Variants in NRXN3 observed in about 807,000 individuals in gnomAD.
NRXN3 encodes the protein neurexin III.
A neutral mutation model predicts 137.6 loss-of-function variants in NRXN3; 32 were observed. The observed-to-expected ratio is 0.23, with a 90% CI of 0.18 to 0.31. The LOEUF (loss-of-function observed/expected upper bound fraction) is 0.31. NRXN3 is among the 10% of genes least tolerant of loss of function. The pLI, the probability that NRXN3 is intolerant of heterozygous loss-of-function variation, is 1.00. For missense variants in NRXN3, 1,574 were observed against 2,062.5 expected (o/e 0.76, Z 4.59); for synonymous variants, 798 against 784.5 (o/e 1.02, Z -0.29).
chr14:79,582,928 T>C (rs2097730405), intron 16 of NRXN3, among the ~76,000 whole-genome samples: 1 of 152,212 alleles, frequency 6.6e-6, no homozygotes, highest in Non-Finnish European at 1.5e-5. Flanking sequence ...CGAAAACTGA[T>C]AGTAAACGTC....
At chr14:78,306,009 T>A (rs990842778) in intron 4 of NRXN3, among the ~76,000 whole-genome samples, 1 of 152,176 alleles carries the variant, frequency 6.6e-6, no homozygotes, top group Non-Finnish European at 1.5e-5. Context: ...ATATGAAAAG[T>A]GTGTTTTTTT....
At chr14:78,402,854 A>G (rs1013824286) in intron 4 of NRXN3, among the ~76,000 whole-genome samples, 7 of 152,228 alleles carry the variant, frequency 4.6e-5, no homozygotes, top group African/African-American at 1.4e-4. Flanking sequence ...TATTTACAAC[A>G]TAATAAAGAT....
chr14:79,642,916 A>T (rs888941232), intron 16 of NRXN3, among the ~76,000 whole-genome samples: 1 of 136,562 alleles, frequency 7.3e-6, no homozygotes, highest in East Asian at 2.0e-4. Flanking sequence ...CAAGTAACAA[A>T]TGTCTGGGTC....
intron 19 of NRXN3, among the ~76,000 whole-genome samples, chr14:79,786,547 T>C (rs190952817): frequency 1.3e-5 from 2 of 152,328 alleles, no homozygotes; most frequent in African/African-American, 2.4e-5. Context: ...ATACAGCTTA[T>C]GAAGGCATTT....
At chr14:78,511,176 A>C (rs1206698266) in intron 4 of NRXN3, among the ~76,000 whole-genome samples, 1 of 151,988 alleles carries the variant, frequency 6.6e-6, no homozygotes, top group Non-Finnish European at 1.5e-5. Flanking sequence ...ACAACAACAA[A>C]AAACATCTAA....
chr14:79,092,755 A>G (rs1052596784), intron 15 of NRXN3, among the ~76,000 whole-genome samples: 2 of 152,162 alleles, frequency 1.3e-5, no homozygotes, highest in Admixed American at 1.3e-4. Flanking sequence ...AGCCCCAGGA[A>G]GGAGTGTGAG....
intron 17 of NRXN3, among the ~76,000 whole-genome samples, chr14:79,691,205 GA>G (rs2098715189): frequency 2.0e-5 from 3 of 152,206 alleles, no homozygotes; most frequent in Admixed American, 6.6e-5. Context: ...TACGAAGGAA[GA>G]GGGGGGGCAT....
intron 10 of NRXN3, among the ~76,000 whole-genome samples, chr14:78,838,295 A>T (rs1424026502): frequency 6.6e-6 from 1 of 152,220 alleles, no homozygotes; most frequent in Non-Finnish European, 1.5e-5. Flanking sequence ...TTAATTAAGT[A>T]GGCTAACAAC....
chr14:79,181,224 A>G (rs536932493), intron 15 of NRXN3, among the ~76,000 whole-genome samples: 13 of 152,298 alleles, frequency 8.5e-5, no homozygotes, highest in Non-Finnish European at 1.8e-4. Context: ...GAAAGAAGTC[A>G]GATGATTTCC....
intron 15 of NRXN3, among the ~76,000 whole-genome samples, chr14:79,048,768 G>T (rs7160436): frequency 0.99 from 149,313 of 150,696 alleles, 73,995 homozygotes; most frequent in Middle Eastern, 1. Context: ...CTCACGCCTG[G>T]AATCCCAGCA....
chr14:79,534,227 TA>T (rs927064691), intron 16 of NRXN3, among the ~76,000 whole-genome samples: 1 of 152,172 alleles, frequency 6.6e-6, no homozygotes, highest in Non-Finnish European at 1.5e-5. Context: ...CATGAATGTC[TA>T]TTGGTATACT....
intron 6 of NRXN3, among the ~76,000 whole-genome samples, chr14:78,656,220 A>G (rs2097783706): frequency 6.6e-6 from 1 of 152,224 alleles, no homozygotes; most frequent in African/African-American, 2.4e-5. Flanking sequence ...GGAGAGGCAG[A>G]CACACGCATA....
At chr14:79,274,228 A>G (rs932073792) in intron 15 of NRXN3, among the ~76,000 whole-genome samples, 3 of 152,042 alleles carry the variant, frequency 2.0e-5, no homozygotes, top group Non-Finnish European at 4.4e-5. Context: ...GCACTCTCAA[A>G]GTGTCTTGCA....
At chr14:78,437,913 C>A (rs932768612) in intron 4 of NRXN3, among the ~76,000 whole-genome samples, 1 of 152,038 alleles carries the variant, frequency 6.6e-6, no homozygotes, top group South Asian at 2.1e-4. Context: ...GTAGAAGATA[C>A]CCTGGAGAGT....
At chr14:79,265,284 A>G (rs895256052) in intron 15 of NRXN3, among the ~76,000 whole-genome samples, 3 of 142,930 alleles carry the variant, frequency 2.1e-5, no homozygotes, top group African/African-American at 7.9e-5. Context: ...TTTAACTATA[A>G]TGGAGGATCA....
At chr14:78,778,986 G>A (rs2098758573) in intron 8 of NRXN3, among the ~76,000 whole-genome samples, 2 of 151,728 alleles carry the variant, frequency 1.3e-5, no homozygotes, top group African/African-American at 4.8e-5. Context: ...GCTCTGTCGT[G>A]GTGAGTCCAC....
intron 14 of NRXN3, among the ~76,000 whole-genome samples, chr14:78,981,887 T>C (rs1414323024): frequency 6.6e-6 from 1 of 152,178 alleles, no homozygotes; most frequent in East Asian, 1.9e-4. Context: ...ATAGGCTCTG[T>C]TTAGGAAAGG....
intron 19 of NRXN3, among the ~76,000 whole-genome samples, chr14:79,801,156 A>T (rs2099178460): frequency 6.6e-6 from 1 of 152,210 alleles, no homozygotes; most frequent in African/African-American, 2.4e-5. Flanking sequence ...TCTAAGTGGT[A>T]ACGATGAGGT....
At chr14:78,172,729 C>G (rs940574574) in intron 1 of NRXN3, among the ~76,000 whole-genome samples, 4 of 152,086 alleles carry the variant, frequency 2.6e-5, no homozygotes, top group African/African-American at 9.6e-5. Flanking sequence ...TAAAAACAAC[C>G]GGACTGTGCG....
Sources: allele counts gnomAD v4.1 joint callset (sites outside exome capture counted in the v4.1 genomes callset), GRCh38; gene constraint gnomAD v4.1.1; transcripts MANE v1.5; gene names NCBI Gene and HGNC (gene_info 2026-07-23, HGNC 2026-07-21).